The following DSTYK variants were observed in gnomAD, a reference collection of about 807,000 sequenced individuals.
DSTYK encodes the protein dual serine/threonine and tyrosine protein kinase, also known as RIP-homologous kinase.
DSTYK carries 34 observed loss-of-function variants against 98.7 expected under a neutral mutation model. The observed-to-expected ratio is 0.34, with a 90% CI of 0.26 to 0.46. The LOEUF (loss-of-function observed/expected upper bound fraction) is 0.46. DSTYK is among the 20% of genes least tolerant of loss of function. The probability of loss-of-function intolerance (pLI) is 1.00; values close to 1 mark genes in which losing one functional copy is unlikely to be tolerated. For missense variants in DSTYK, 962 were observed against 1,181.7 expected, an observed-to-expected ratio of 0.81 and a Z score of 2.73; for synonymous variants, 462 against 457.3, an observed-to-expected ratio of 1.01 and a Z score of -0.13.
intron 2 of DSTYK, among the ~76,000 whole-genome samples, chr1:205,186,715 A>G (rs1236850206): frequency 6.6e-6 from 1 of 152,254 alleles, no homozygotes; most frequent in Non-Finnish European, 1.5e-5. Flanking sequence ...ACGCAGACCA[A>G]GACAGAAGTT....
intron 10 of DSTYK, among the ~76,000 whole-genome samples, chr1:205,152,711 C>T (rs1657441843): frequency 6.6e-6 from 1 of 151,814 alleles, no homozygotes; most frequent in Non-Finnish European, 1.5e-5. Context: ...GCTGATTCAG[C>T]ACCTCTAATT....
chr1:205,170,428 T>C (rs556352698), intron 2 of DSTYK, among the ~76,000 whole-genome samples: 1 of 152,330 alleles, frequency 6.6e-6, no homozygotes, highest in African/African-American at 2.4e-5. Context: ...AAAACCTTTC[T>C]TTCCCCCATG....
At chr1:205,152,660 A>ATT (rs572810153) in intron 10 of DSTYK, among the ~76,000 whole-genome samples, 12 of 138,160 alleles carry the variant, frequency 8.7e-5, no homozygotes, top group East Asian at 4.1e-4. Flanking sequence ...TTTGAATTTC[A>ATT]TTTTTTTTTT....
Position 205,150,544 on chromosome 1 carries a change from G to C in DSTYK, c.2467+136C>G, listed in dbSNP as rs569321671. Reference sequence around the variant, plus strand: ...CTTTCCCTGCTACTTGCCTTAGGTAGGTCTCCCCTGATCTGGTTTCTCCCT... The same window carrying C: ...CTTTCCCTGCTACTTGCCTTAGGTACGTCTCCCCTGATCTGGTTTCTCCCT... On this transcript the variant is annotated intron_variant, in intron 11 of 12. Transcript: ENST00000367162. This position sits in a 1 kb window ranked among gnomAD's most constrained non-coding sequence, Gnocchi z 4.1. 2.0e-5 allele frequency: 13 copies of C among 642,376 alleles called. No homozygotes were observed. The East Asian group carries it at 3.3e-4, about 16-fold the overall frequency. The allele number at this position is 642,376 out of a possible 1,614,324, so 39.8% of individuals were successfully genotyped here. A position where few individuals can be genotyped will look rare whatever the true frequency, so the allele number is the denominator to read the frequency against.
intron 1 of DSTYK, among the ~76,000 whole-genome samples, chr1:205,195,358 C>A (rs1658836128): frequency 6.6e-6 from 1 of 152,146 alleles, no homozygotes; most frequent in Admixed American, 6.6e-5. Context: ...AGTCTTTCTA[C>A]TACAGTCAAT....
At chr1:205,197,884 T>C (rs1026244941) in intron 1 of DSTYK, among the ~76,000 whole-genome samples, 18 of 152,176 alleles carry the variant, frequency 1.2e-4, no homozygotes, top group African/African-American at 4.3e-4. Context: ...CCTGTAACCA[T>C]CAGGTTCATT....
At chr1:205,176,638 C>T (rs1277686846) in intron 2 of DSTYK, among the ~76,000 whole-genome samples, 2 of 151,656 alleles carry the variant, frequency 1.3e-5, no homozygotes, top group Non-Finnish European at 2.9e-5. Flanking sequence ...GACAAAATCT[C>T]ACTAAGTTGC....
In DSTYK at chr1:205,172,029, C is replaced by T. The variant is rs1422277746; in HGVS notation, c.655-2197G>A. 4.6e-5 allele frequency among the ~76,000 whole-genome samples: 7 copies of T among 152,212 alleles called. 1 individual carries two copies. The highest frequency in any genetic ancestry group is 1.7e-4 in the African/African-American group (7 of 41,446). On this transcript the variant is annotated intron_variant, in intron 2 of 12. Transcript: ENST00000367162. Reference sequence around the variant, plus strand: ...GGAGTGCAATGGCACGAGCTCGGCTCACTGCAACCTCTGCCTCCTGGGTTC... The same window carrying T: ...GGAGTGCAATGGCACGAGCTCGGCTTACTGCAACCTCTGCCTCCTGGGTTC...
rs746581755 is a variant in DSTYK at position 205,211,281 on chromosome 1, C to T, written c.255G>A (p.Gly85=). ...GGCTGCCCTCCTTACCCGCCTGCAG[C>T]CCGGTTTCGGCGACATCGCCTGCAG... ...RGPAGDVAET[G]LQAGQLSCIS... The change falls in exon 1 of 13, where the codon GGG becomes GGA. Residue 85 remains glycine (G), a synonymous_variant. Transcript: ENST00000367162. 1.9e-6 allele frequency: 3 copies of T among 1,606,518 alleles called. No individual in the cohort carries two copies. The highest frequency in any genetic ancestry group is 3.4e-5 in the Admixed American group (2 of 59,344).
chr1:205,147,579 TC>T lies in DSTYK; in HGVS notation c.2768del (p.Arg923LysfsTer3). 1 of 1,611,076 alleles carries T rather than the reference TC, an allele frequency of 6.2e-7. No homozygotes were observed. The highest frequency in any genetic ancestry group is 1.1e-5 in the South Asian group (1 of 91,018). On this transcript the variant is annotated frameshift_variant, in exon 13 of 13. Coordinates refer to ENST00000367162, the MANE Select transcript of DSTYK (RefSeq NM_015375.3). LOFTEE classifies it high-confidence loss of function. ...GCTTTCAAGTAGAATCATCTAGTCCTCTGTTTGGCTGCTCAGAATTGGACTT... is the reference window on the plus strand; with the variant it reads ...GCTTTCAAGTAGAATCATCTAGTCCTTGTTTGGCTGCTCAGAATTGGACTT... The part of the protein sequence containing the change: ...LCKSNSEQPN[R>X]GLDDST
chr1:205,155,368 A>G (rs542446974), intron 10 of DSTYK, among the ~76,000 whole-genome samples: 13 of 152,216 alleles, frequency 8.5e-5, no homozygotes, highest in Admixed American at 8.5e-4. Flanking sequence ...AATGTGATAG[A>G]AAAGAAAACC....
intron 1 of DSTYK, among the ~76,000 whole-genome samples, chr1:205,204,461 C>T (rs1374730743): frequency 6.6e-6 from 1 of 151,450 alleles, no homozygotes; most frequent in East Asian, 1.9e-4. Flanking sequence ...ACCATACACA[C>T]ACACACACAC....
intron 1 of DSTYK, among the ~76,000 whole-genome samples, chr1:205,206,311 G>A (rs1355513331): frequency 3.3e-4 from 49 of 149,332 alleles, no homozygotes; most frequent in Non-Finnish European, 5.2e-4. Flanking sequence ...ACAGAGTCTC[G>A]CTCTGTCGCC....
At chr1:205,157,040 C>T (rs1386957393) in intron 10 of DSTYK, among the ~76,000 whole-genome samples, 1 of 152,184 alleles carries the variant, frequency 6.6e-6, no homozygotes, top group Non-Finnish European at 1.5e-5. Flanking sequence ...CCCCTTCCAC[C>T]ATAACTAAAA....
chr1:205,199,932 C>T (rs1658978504), intron 1 of DSTYK, among the ~76,000 whole-genome samples: 1 of 152,188 alleles, frequency 6.6e-6, no homozygotes, highest in South Asian at 2.1e-4. Context: ...TTCATAAATG[C>T]ATTCTGCATT....
chr1:205,167,931 G>A (rs113197530), intron 3 of DSTYK, among the ~76,000 whole-genome samples: 6 of 152,162 alleles, frequency 3.9e-5, no homozygotes, highest in South Asian at 2.1e-4. Context: ...ATGAAACCCC[G>A]TCTCTACTAA....
intron 8 of DSTYK, 91 bp downstream of exon 8, chr1:205,160,023 C>T (rs1428425548): frequency 9.7e-6 from 14 of 1,440,580 alleles, no homozygotes; most frequent in Non-Finnish European, 1.4e-5. Flanking sequence ...TATAGAGAGG[C>T]CATGCTGTAG....
chr1:205,178,745 T>C (rs1164600004), intron 2 of DSTYK, among the ~76,000 whole-genome samples: 3 of 152,170 alleles, frequency 2.0e-5, no homozygotes, highest in African/African-American at 7.2e-5. Flanking sequence ...ACTGATTTAT[T>C]CAAAGGCAGG....
Position 205,211,408 on chromosome 1 carries a change from T to G in DSTYK, c.128A>C (p.Gln43Pro). ...RYRRYLGRLRQNLRETQKFFR... is the reference protein window; with the variant it reads ...RYRRYLGRLRPNLRETQKFFR... ...GAACTTCTGGGTCTCGCGCAGGTTC[T>G]GTCGCAGCCGTCCCAGGTAGCGGCG... Residue 43 changes from glutamine to proline, a missense_variant, in exon 1 of 13, where the codon CAG becomes CCG. Transcript: ENST00000367162. 1 of 1,610,998 alleles carries G rather than the reference T, an allele frequency of 6.2e-7. No homozygotes were observed. Among genetic ancestry groups the G allele is most frequent in the Non-Finnish European group, 8.5e-7 (1 of 1,179,310 alleles).
Sources: gnomAD v4.1 joint callset for allele counts (sites outside exome capture counted in the v4.1 genomes callset) on GRCh38, gnomAD v4.1.1 for gene constraint, Gnocchi (gnomAD v3.1) non-coding constraint, MANE v1.5 for transcripts, NCBI Gene and HGNC (gene_info 2026-07-23, HGNC 2026-07-21) for gene names.